CCDC88C: variants seen among roughly 807,000 people sequenced by gnomAD.
CCDC88C encodes the protein coiled-coil and HOOK domain protein 88C.
Under a neutral mutation model 198.8 loss-of-function variants are expected in CCDC88C, and 131 were observed. That is an observed-to-expected ratio of 0.66 (90% CI 0.57 to 0.76). CCDC88C has a LOEUF of 0.76. Ranked by LOEUF, CCDC88C falls within the 30% of genes least tolerant of loss-of-function variation. CCDC88C has a pLI of 0.00. For missense variants in CCDC88C, 2,553 were observed against 2,631.6 expected (o/e 0.97, Z 0.65); for synonymous variants, 1,166 against 1,114.7 (o/e 1.05, Z -0.92).
chr14:91,346,475 C>T (rs1229675501), intron 4 of CCDC88C, among the ~76,000 whole-genome samples: 1 of 142,252 alleles, frequency 7.0e-6, no homozygotes. Flanking sequence ...TTCTCAAAAT[C>T]TTAGGATTTT....
intron 4 of CCDC88C, among the ~76,000 whole-genome samples, chr14:91,354,208 A>G (rs571962019): frequency 1.3e-5 from 2 of 152,194 alleles, no homozygotes; most frequent in South Asian, 2.1e-4. Context: ...GGAAGAAAAA[A>G]CAATGCTTTC....
At chr14:91,410,223 C>T (rs576152818) in intron 2 of CCDC88C, among the ~76,000 whole-genome samples, 3 of 152,312 alleles carry the variant, frequency 2.0e-5, no homozygotes, top group East Asian at 3.9e-4. Flanking sequence ...ACAGACTGTG[C>T]GCTGCTTTTC....
In CCDC88C at chr14:91,281,513, T is replaced by C. The variant is rs779944159; in HGVS notation, c.4643A>G (p.Asp1548Gly). The change falls in exon 27 of 30, where the codon GAT becomes GGT. Residue 1548 changes from aspartate (D) to glycine (G), a missense_variant. Around this residue, in one of 2 missense-constraint regions of CCDC88C, gnomAD observed 1,293 missense variants for 1,219.6 expected, o/e 1.06. Coordinates refer to ENST00000389857, the MANE Select transcript of CCDC88C (RefSeq NM_001080414.4). ...CAGGGATGGCTCACAGAGGTTGTCA[T>C]CTGAGTTATAGCCTAAGGTGAAAAT... ...HPGRTKGYNS[D>G]DNLCEPSLEF... 1.2e-6 allele frequency: 2 copies of C among 1,613,866 alleles called. No homozygotes were observed. Among genetic ancestry groups the C allele is most frequent in the Non-Finnish European group, 1.7e-6 (2 of 1,179,790 alleles).
intron 4 of CCDC88C, among the ~76,000 whole-genome samples, chr14:91,346,220 T>C (rs1893542300): frequency 6.6e-6 from 1 of 152,164 alleles, no homozygotes; most frequent in Non-Finnish European, 1.5e-5. Flanking sequence ...CTTGAGATAA[T>C]GACATCATTG....
intron 23 of CCDC88C, among the ~76,000 whole-genome samples, chr14:91,293,409 C>CAGCTCACCTTCCCAT (rs1567055213): frequency 2.5e-5 from 1 of 40,364 alleles, no homozygotes; most frequent in Non-Finnish European, 4.4e-5. Context: ...CCTTCCTGCC[C>CAGCTCACCTTCCCAT]CCTCACCTGC....
intron 3 of CCDC88C, among the ~76,000 whole-genome samples, chr14:91,397,652 CCT>C (rs1356885394): frequency 6.6e-6 from 1 of 152,212 alleles, no homozygotes; most frequent in African/African-American, 2.4e-5. Context: ...CCAGCTGCTC[CCT>C]GTTCCACCCT....
At chr14:91,409,257 C>T (rs1596172596) in intron 2 of CCDC88C, among the ~76,000 whole-genome samples, 1 of 151,490 alleles carries the variant, frequency 6.6e-6, no homozygotes, top group Admixed American at 6.6e-5. Flanking sequence ...GGCACCATCA[C>T]AGATCACTAC....
intron 3 of CCDC88C, among the ~76,000 whole-genome samples, chr14:91,377,775 G>A (rs1000289080): frequency 3.9e-5 from 6 of 152,248 alleles, no homozygotes; most frequent in African/African-American, 1.2e-4. Context: ...GCCCCCCAGT[G>A]CTGGGTGTCA....
At chr14:91,295,956 C>G (rs187314523) in intron 22 of CCDC88C, among the ~76,000 whole-genome samples, 135 of 152,288 alleles carry the variant, frequency 8.9e-4, no homozygotes, top group African/African-American at 3.2e-3. Flanking sequence ...TGAGCCCGCA[C>G]AGAGAAAAAG....
chr14:91,389,335 C>T (rs1327792706), intron 3 of CCDC88C, among the ~76,000 whole-genome samples: 2 of 152,146 alleles, frequency 1.3e-5, no homozygotes, highest in East Asian at 3.9e-4. Flanking sequence ...CCCGGCTTCC[C>T]CAGGGGAAAA....
chr14:91,415,887 T>C (rs748528902), intron 2 of CCDC88C, among the ~76,000 whole-genome samples: 7 of 152,194 alleles, frequency 4.6e-5, no homozygotes, highest in Admixed American at 6.5e-5. Context: ...TGCTCCAGTA[T>C]GACAACTTGC....
intron 10 of CCDC88C, among the ~76,000 whole-genome samples, chr14:91,331,072 GC>G (rs1382057195): frequency 1.8e-4 from 27 of 146,662 alleles, no homozygotes; most frequent in African/African-American, 6.5e-4. Flanking sequence ...TGTCAGGAGC[GC>G]CCCTTTACTG....
chr14:91,409,003 C>T (rs1048555227), intron 2 of CCDC88C, among the ~76,000 whole-genome samples: 12 of 152,180 alleles, frequency 7.9e-5, no homozygotes, highest in Non-Finnish European at 1.5e-4. Flanking sequence ...GGCCCTCAGT[C>T]AGTGCTGTTT....
intron 3 of CCDC88C, chr14:91,378,842 T>C (rs1206931289): frequency 6.6e-6 from 1 of 152,242 alleles, no homozygotes; most frequent in African/African-American, 2.4e-5. Context: ...GACAGCTGTA[T>C]AATATTCCAT....
Position 91,294,442 on chromosome 14 carries a change from G to A in CCDC88C, c.3967-124C>T, listed in dbSNP as rs1341001637. Reference sequence around the variant, plus strand: ...GTTCAACGCAGCATAATCTACGCCAGTGGAAACTTGGAAAGGGCCAAACGG... The same window carrying A: ...GTTCAACGCAGCATAATCTACGCCAATGGAAACTTGGAAAGGGCCAAACGG... On this transcript the variant is annotated intron_variant, in intron 22 of 29. Transcript: ENST00000389857. The A allele has an allele frequency of 7.8e-6, 9 of 1,159,794 alleles. No homozygotes were observed. In the African/African-American group the frequency reaches 1.2e-4, roughly 16 times the overall value. 71.8% of individuals were successfully genotyped at this position (1,159,794 alleles called of 1,614,324 possible).
intron 3 of CCDC88C, 111 bp downstream of exon 3, chr14:91,408,548 T>C (rs1886628418): frequency 2.8e-6 from 2 of 715,654 alleles, no homozygotes; most frequent in East Asian, 2.7e-5. Context: ...TGTCAACAAG[T>C]AGAGGCCTAA....
chr14:91,404,333 T>A (rs34854034), intron 3 of CCDC88C, among the ~76,000 whole-genome samples: 1 of 152,050 alleles, frequency 6.6e-6, no homozygotes, highest in Non-Finnish European at 1.5e-5. Context: ...CGGTGAGACG[T>A]GAATCTGGTG....
chr14:91,308,385 C>T lies in CCDC88C; in HGVS notation c.2972G>A (p.Ser991Asn). 1 of 1,614,056 alleles carries T rather than the reference C, an allele frequency of 6.2e-7. No homozygotes were observed. ...LLEAQMEEKA[S>N]LNRQLESELQ... ...CTCACTCTCTAACTGGCGATTTAGG[C>T]TCGCTTTCTCTTCCATCTGTGCTTC... Residue 991 changes from serine to asparagine, a missense_variant, in exon 17 of 30, where the codon AGC (serine) becomes AAC (asparagine). Ser to Asn is a conservative substitution (Grantham distance 46, BLOSUM62 1). Coordinates refer to ENST00000389857, the MANE Select transcript of CCDC88C (RefSeq NM_001080414.4).
intron 19 of CCDC88C, among the ~76,000 whole-genome samples, chr14:91,305,501 A>G (rs1891517657): frequency 1.3e-5 from 2 of 152,232 alleles, no homozygotes; most frequent in African/African-American, 4.8e-5. Context: ...ACTGGAAAAC[A>G]TGGACAAGAA....
Sources: allele counts gnomAD v4.1 joint callset (sites outside exome capture counted in the v4.1 genomes callset), GRCh38; gene constraint gnomAD v4.1.1; regional missense constraint gnomAD v4.1.1; transcripts MANE v1.5; gene names NCBI Gene and HGNC (gene_info 2026-07-23, HGNC 2026-07-21).